Variants in FLNC observed in about 807,000 individuals in gnomAD.
The protein encoded by FLNC is filamin C, also known as filamin-C.
A neutral mutation model predicts 254.3 loss-of-function variants in FLNC; 91 were observed. That is an observed-to-expected ratio of 0.36 (90% CI 0.30 to 0.43). The LOEUF is 0.43. Ranked by LOEUF, FLNC falls within the 20% of genes least tolerant of loss-of-function variation. The pLI, the probability that FLNC is intolerant of heterozygous loss-of-function variation, is 1.00. For missense variants in FLNC, 2,853 were observed against 3,802.6 expected (o/e 0.75, Z 6.57); for synonymous variants, 1,430 against 1,577.2 (o/e 0.91, Z 2.21).
At chr7:128,838,945 T>C in intron 8 of FLNC, 142 bp downstream of exon 8, 2 of 724,666 alleles carry the variant, frequency 2.8e-6, no homozygotes, top group Non-Finnish European at 4.6e-6. Flanking sequence ...CTGGAGTTCC[T>C]AAGAGCACAG....
chr7:128,851,666 A>G (rs774394459), intron 35 of FLNC, 38 bp downstream of exon 35: 2 of 1,605,998 alleles, frequency 1.2e-6, no homozygotes, highest in East Asian at 2.2e-5. Flanking sequence ...CCCATGAGGC[A>G]CACACACCGC....
intron 2 of FLNC, 43 bp from the exon 3 acceptor site, chr7:128,837,117 G>A: frequency 7.3e-7 from 1 of 1,367,480 alleles, no homozygotes; most frequent in Non-Finnish European, 1.0e-6. Flanking sequence ...ATCCTGGCCG[G>A]CTGGCTGCCC....
In FLNC at chr7:128,858,175, G is replaced by T; in HGVS notation, c.7948G>T (p.Val2650Leu). Residue 2650 changes from valine (V) to leucine (L), a missense_variant, in exon 47 of 48, where the codon GTG (valine) becomes TTG (leucine). Val to Leu is a conservative substitution (Grantham distance 32, BLOSUM62 1). This residue lies in a region of FLNC where 197 missense variants were observed against 351.5 expected (regional missense o/e 0.56). Transcript: ENST00000325888. This position sits in a 1 kb window ranked among gnomAD's most constrained non-coding sequence, Gnocchi z 6.7. The part of the protein sequence containing the change: ...TRGPGLSQAF[V>L]GQKNSFTVDC... ...GGGCCCTGGGCTGTCCCAGGCCTTCGTGGGCCAGAAGAACTCCTTCACCGT... is the reference window on the plus strand; with the variant it reads ...GGGCCCTGGGCTGTCCCAGGCCTTCTTGGGCCAGAAGAACTCCTTCACCGT... 1 of 1,563,642 alleles carries T rather than the reference G, an allele frequency of 6.4e-7. No homozygotes were observed. Among genetic ancestry groups the T allele is most frequent in the South Asian group, 1.1e-5 (1 of 89,752 alleles).
At position 128,843,405 on chromosome 7, in the gene FLNC, C is replaced by CA. The variant is rs1437325933; in HGVS notation, c.2642-2dup. ...CTCACCACATCTCTGGGTGGGTCCT[C>CA]AGGTGTGGAAGTCGGGAAGCCCACC... is the stretch of plus-strand genomic sequence containing the variant. On this transcript the variant is annotated splice_region_variant and splice_polypyrimidine_tract_variant and intron_variant, in intron 17 of 47. Coordinates refer to ENST00000325888, the MANE Select transcript of FLNC (RefSeq NM_001458.5). The CA allele has an allele frequency of 1.9e-6, 3 of 1,614,046 alleles. No individual in the cohort carries two copies. The highest frequency in any genetic ancestry group is 3.3e-4 in the Middle Eastern group (2 of 6,060).
At chr7:128,843,112 T>G (rs1808407946) in intron 16 of FLNC, 117 bp from the exon 17 acceptor site, 3 of 1,357,186 alleles carry the variant, frequency 2.2e-6, no homozygotes, top group Non-Finnish European at 1.0e-6. Context: ...AAGGGGGCCC[T>G]TTTGGAGGCT....
chr7:128,839,580 A>G (rs1162472251), intron 8 of FLNC, among the ~76,000 whole-genome samples: 5 of 152,192 alleles, frequency 3.3e-5, no homozygotes, highest in African/African-American at 1.2e-4. Context: ...GCTGATGTCC[A>G]CACGTTGCCT....
rs1198899675 is a variant in FLNC at position 128,848,025 on chromosome 7, T to C, written c.4537T>C (p.Tyr1513His). 2 of 1,607,578 alleles carry C rather than the reference T, an allele frequency of 1.2e-6. No individual in the cohort carries two copies. Among genetic ancestry groups the C allele is most frequent in the Non-Finnish European group, 1.7e-6 (2 of 1,176,854 alleles). The part of the protein sequence containing the change: ...VHYTPATDGP[Y>H]TVAVKYADQE... The stretch of plus-strand genomic sequence containing the variant: ...CTACACCCCAGCCACTGACGGGCCC[T>C]ACACGGTAGCCGTCAAGTATGCTGA... The change falls in exon 26 of 48, where the codon TAC becomes CAC. Residue 1513 changes from tyrosine to histidine, a missense_variant. By Grantham distance (83) the Tyr-to-His change is moderately conservative. This residue lies in a region of FLNC where 1,573 missense variants were observed against 1,883.5 expected (regional missense o/e 0.84). Transcript: ENST00000325888.
chr7:128,834,827 G>A (rs186463709), intron 1 of FLNC, among the ~76,000 whole-genome samples: 1 of 152,106 alleles, frequency 6.6e-6, no homozygotes, highest in Admixed American at 6.5e-5. Context: ...ACAAAGGGGT[G>A]TGTGCAAGGA....
chr7:128,835,711 C>A lies in FLNC; in HGVS notation c.601+137C>A. ...GCCAGGATCCCCTGCAGGGTTTGTC[C>A]TCCTCCAGCTGTGGCTCTCCGCTGG... On this transcript the variant is annotated intron_variant, in intron 2 of 47. Coordinates refer to ENST00000325888, the MANE Select transcript of FLNC (RefSeq NM_001458.5). The surrounding 1 kb of genome is among the most constrained non-coding windows in gnomAD (Gnocchi z 5.3). 1 of 963,678 alleles carries A rather than the reference C, an allele frequency of 1.0e-6. No homozygotes were observed. Among genetic ancestry groups the A allele is most frequent in the Non-Finnish European group, 1.6e-6 (1 of 637,184 alleles). 59.7% of individuals were successfully genotyped at this position (963,678 alleles called of 1,614,324 possible). A position where few individuals can be genotyped will look rare whatever the true frequency, so the allele number is the denominator to read the frequency against.
At position 128,854,637 on chromosome 7, in the gene FLNC, C is replaced by T. The variant is rs779924235; in HGVS notation, c.6952C>T (p.Arg2318Trp). ...PLGEGGAHKV[R>W]AGGTGLERGV... ...GGGTGAAGGTGGTGCCCACAAGGTG[C>T]GGGCCGGAGGCACAGGGCTGGAGCG... is the stretch of plus-strand genomic sequence containing the variant. The change falls in exon 41 of 48, where the codon CGG (arginine) becomes TGG (tryptophan). Residue 2318 changes from arginine to tryptophan, a missense_variant. Arg to Trp is a moderately radical substitution (Grantham distance 101). Around this residue, in one of 10 missense-constraint regions of FLNC, gnomAD observed 551 missense variants for 835.0 expected, o/e 0.66. Transcript: ENST00000325888. 2.5e-6 allele frequency: 4 copies of T among 1,612,410 alleles called. No homozygotes were observed. Among genetic ancestry groups the T allele is most frequent in the Non-Finnish European group, 2.5e-6 (3 of 1,179,502 alleles).
At chr7:128,839,521 T>A (rs1166899602) in intron 8 of FLNC, among the ~76,000 whole-genome samples, 3 of 152,246 alleles carry the variant, frequency 2.0e-5, no homozygotes, top group Admixed American at 6.5e-5. Context: ...TTTGCCTGTG[T>A]TCCATAGCAA....
Position 128,858,931 on chromosome 7 carries a change from C to T in FLNC, c.*408C>T. ...CACCGCCGGCCAGATACCCTCCTGA[C>T]CCCGAGGACTTGGTCTGGTCTCTCT... On this transcript the variant is annotated 3_prime_UTR_variant, in exon 48 of 48. Transcript: ENST00000325888. This position sits in a 1 kb window ranked among gnomAD's most constrained non-coding sequence, Gnocchi z 6.7. 1 of 256,048 alleles carries T rather than the reference C, an allele frequency of 3.9e-6. No homozygotes were observed. Among genetic ancestry groups the T allele is most frequent in the Non-Finnish European group, 7.7e-6 (1 of 129,970 alleles). The allele number at this position is 256,048 out of a possible 1,614,324, so 15.9% of individuals were successfully genotyped here. A position where few individuals can be genotyped will look rare whatever the true frequency, so the allele number is the denominator to read the frequency against.
intron 20 of FLNC, among the ~76,000 whole-genome samples, 191 bp from the exon 21 acceptor site, chr7:128,844,467 G>T (rs189161710): frequency 9.2e-5 from 14 of 152,322 alleles, no homozygotes; most frequent in Admixed American, 4.6e-4. Flanking sequence ...TCACACCTGG[G>T]CTTGAATCCC....
Position 128,837,494 on chromosome 7 carries a change from G to A in FLNC, c.796G>A (p.Ala266Thr), listed in dbSNP as rs1272750591. 1.5e-5 allele frequency: 25 copies of A among 1,614,186 alleles called. No individual in the cohort carries two copies. Among genetic ancestry groups the A allele is most frequent in the Non-Finnish European group, 1.9e-5 (22 of 1,180,018 alleles). Residue 266 changes from alanine (A) to threonine (T), a missense_variant, in exon 4 of 48, where the codon GCC becomes ACC. This residue lies in a region of FLNC where 1,573 missense variants were observed against 1,883.5 expected (regional missense o/e 0.84). Transcript: ENST00000325888. ...QFPKAKLKPG[A>T]PVRSKQLNPK... Reference sequence around the variant, plus strand: ...CCCCAAGGCCAAGCTCAAACCTGGTGCCCCTGTTCGATCCAAGCAGCTGAA... The same window carrying A: ...CCCCAAGGCCAAGCTCAAACCTGGTACCCCTGTTCGATCCAAGCAGCTGAA...
Position 128,835,346 on chromosome 7 carries a change from G to A in FLNC, c.373G>A (p.Gly125Arg), listed in dbSNP as rs925034698. 6.2e-7 allele frequency: 1 copy of A among 1,613,746 alleles called. No homozygotes were observed. The highest frequency in any genetic ancestry group is 1.3e-5 in the African/African-American group (1 of 74,918). ...TGCAGACAGCAAGGCCATCGTGGAT[G>A]GGAACCTGAAGCTGATCCTGGGCCT... is the stretch of plus-strand genomic sequence containing the variant. ...VSIDSKAIVD[G>R]NLKLILGLIW... The change falls in exon 2 of 48, where the codon GGG (glycine) becomes AGG (arginine). Residue 125 changes from glycine (G) to arginine (R), a missense_variant. This residue lies in a region of FLNC where 115 missense variants were observed against 230.3 expected (regional missense o/e 0.50). Coordinates refer to ENST00000325888, the MANE Select transcript of FLNC (RefSeq NM_001458.5). This position sits in a 1 kb window ranked among gnomAD's most constrained non-coding sequence, Gnocchi z 5.3.
intron 20 of FLNC, 71 bp downstream of exon 20, chr7:128,844,337 C>A: frequency 1.3e-6 from 2 of 1,495,396 alleles, no homozygotes; most frequent in Non-Finnish European, 9.0e-7. Flanking sequence ...TCATAGGGGG[C>A]AGAGGCCAGA....
At chr7:128,852,530 C>T (rs1808861930) in intron 35 of FLNC, 61 bp from the exon 36 acceptor site, 1 of 1,596,256 alleles carries the variant, frequency 6.3e-7, no homozygotes, top group Non-Finnish European at 8.6e-7. Flanking sequence ...GGTTCCTGAG[C>T]CCTGTGAGGG....
At chr7:128,837,923 C>A in intron 5 of FLNC, 64 bp from the exon 6 acceptor site, 1 of 1,472,738 alleles carries the variant, frequency 6.8e-7, no homozygotes, top group Non-Finnish European at 9.5e-7. Flanking sequence ...GTGCATAAGG[C>A]ACTGTGGGGT....
rs1273360618 is a variant in FLNC at position 128,844,640 on chromosome 7, A to G, written c.3193-18A>G. The G allele has an allele frequency of 1.9e-6, 3 of 1,605,686 alleles. No homozygotes were observed. The highest frequency in any genetic ancestry group is 2.2e-5 in the South Asian group (2 of 91,042). On this transcript the variant is annotated intron_variant, in intron 20 of 47. Transcript: ENST00000325888. ...GGAGGCCAGGTGCAGGGAACCCACA[A>G]CCTGCCTCTTCCCCTAGGTCTGTGC...
Sources: allele counts gnomAD v4.1 joint callset (sites outside exome capture counted in the v4.1 genomes callset), GRCh38; gene constraint gnomAD v4.1.1; regional missense constraint gnomAD v4.1.1; non-coding constraint Gnocchi (gnomAD v3.1); transcripts MANE v1.5; gene names NCBI Gene and HGNC (gene_info 2026-07-23, HGNC 2026-07-21).